The following YAF2 variants were observed in gnomAD, a reference collection of about 807,000 sequenced individuals.
YAF2 encodes YY1 associated factor 2, also known as YY1-associated factor 2.
In YAF2, 7 loss-of-function variants were observed where a neutral mutation model predicts 20.1. The observed-to-expected ratio is 0.35, with a 90% CI of 0.20 to 0.65. The LOEUF (loss-of-function observed/expected upper bound fraction) is 0.65, where lower values mean the gene tolerates loss of function less well. Ranked by LOEUF, YAF2 falls within the 30% of genes least tolerant of loss-of-function variation. The pLI, the probability that YAF2 is intolerant of heterozygous loss-of-function variation, is 0.69. For synonymous variants in YAF2, 74 were observed against 76.0 expected (o/e 0.97, Z 0.14); for missense variants, 151 against 219.2 (o/e 0.69, Z 1.96).
At chr12:42,174,504 A>C (rs1234035697) in intron 2 of YAF2, among the ~76,000 whole-genome samples, 1 of 152,176 alleles carries the variant, frequency 6.6e-6, no homozygotes, top group Non-Finnish European at 1.5e-5. Flanking sequence ...ACTTCAGAGT[A>C]CCTCAGGACT....
chr12:42,165,079 A>AG, intron 2 of YAF2, among the ~76,000 whole-genome samples: 1 of 151,330 alleles, frequency 6.6e-6, no homozygotes, highest in East Asian at 1.9e-4. Context: ...AAAAAAAAAA[A>AG]GAAAAGAAAC....
At chr12:42,205,674 T>A (rs1027599034) in intron 2 of YAF2, among the ~76,000 whole-genome samples, 3 of 152,070 alleles carry the variant, frequency 2.0e-5, no homozygotes, top group Non-Finnish European at 2.9e-5. Context: ...TGCCCGGTCA[T>A]TGCTGATTAT....
At chr12:42,220,993 G>C (rs1243981161) in intron 2 of YAF2, among the ~76,000 whole-genome samples, 1 of 151,980 alleles carries the variant, frequency 6.6e-6, no homozygotes, top group Non-Finnish European at 1.5e-5. Context: ...AATAAAAGTT[G>C]TTATAAAAGA....
At chr12:42,181,056 C>A (rs965019512) in intron 2 of YAF2, among the ~76,000 whole-genome samples, 1 of 152,182 alleles carries the variant, frequency 6.6e-6, no homozygotes, top group Non-Finnish European at 1.5e-5. Flanking sequence ...GCAACTGAAT[C>A]TTTATATATT....
rs1173796702 is a variant in YAF2, at chr12:42,232,354, G to C, written c.152+5245C>G. ...AAAAACAGTGTGAACCTCATAGAAA[G>C]CTTCAACTAAAAAGATCTCAGGGAC... On this transcript the variant is annotated intron_variant, in intron 2 of 3. Transcript: ENST00000534854. 4.7e-6 allele frequency: 4 copies of C among 854,092 alleles called. No individual in the cohort carries two copies. The Admixed American group carries it at 2.5e-4, about 53-fold the overall frequency. 52.9% of individuals were successfully genotyped at this position (854,092 alleles called of 1,614,324 possible).
intron 2 of YAF2, among the ~76,000 whole-genome samples, chr12:42,193,908 G>A (rs1479346064): frequency 6.6e-6 from 1 of 152,148 alleles, no homozygotes; most frequent in African/African-American, 2.4e-5. Context: ...TTATGGACCT[G>A]ACTCTGTATG....
In YAF2 at chr12:42,237,895, G is replaced by A. The variant is rs2068232389; in HGVS notation, c.27-171C>T. ...CTGAGGGGGAAGGGAGTCAGGAAGAGGCAGGGCGCGAGCGCGGCCGCAGTC... is the reference window on the plus strand; with the variant it reads ...CTGAGGGGGAAGGGAGTCAGGAAGAAGCAGGGCGCGAGCGCGGCCGCAGTC... On this transcript the variant is annotated intron_variant, in intron 1 of 3. Transcript: ENST00000534854. 6.7e-6 allele frequency: 4 copies of A among 600,396 alleles called. No individual in the cohort carries two copies. The South Asian group carries it at 2.2e-4, about 33-fold the overall frequency. 37.2% of individuals were successfully genotyped at this position (600,396 alleles called of 1,614,324 possible). A position where few individuals can be genotyped will look rare whatever the true frequency, so the allele number is the denominator to read the frequency against.
intron 2 of YAF2, among the ~76,000 whole-genome samples, chr12:42,192,344 C>T (rs200874701): frequency 3.3e-5 from 5 of 151,608 alleles, no homozygotes; most frequent in East Asian, 3.9e-4. Flanking sequence ...CTCATCTCCA[C>T]ACACACACAC....
intron 2 of YAF2, chr12:42,199,342 T>C (rs1027488565): frequency 1.2e-5 from 6 of 504,074 alleles, no homozygotes; most frequent in East Asian, 1.8e-4. Context: ...TGTTTCAGGA[T>C]TTACTCAATT....
At chr12:42,205,825 A>G in intron 2 of YAF2, 2 of 337,780 alleles carry the variant, frequency 5.9e-6, no homozygotes, top group Non-Finnish European at 1.2e-5. Context: ...TAAAGATTAT[A>G]AATTTATCCC....
At position 42,183,690 on chromosome 12, in the gene YAF2, G is replaced by C. The variant is rs1251675019; in HGVS notation, c.153-21925C>G. Among the ~76,000 whole-genome samples the C allele has an allele frequency of 3.9e-5, 6 of 152,190 alleles. No homozygotes were observed. The South Asian group carries it at 1.2e-3, about 31-fold the overall frequency. On this transcript the variant is annotated intron_variant, in intron 2 of 3. Transcript: ENST00000534854. ...CATGAAAAAATTACAAAGTGAAGCA[G>C]CAAGTGCTTATATAAAAACTGCATC...
intron 2 of YAF2, among the ~76,000 whole-genome samples, chr12:42,188,025 T>A (rs950233403): frequency 5.3e-5 from 8 of 152,186 alleles, no homozygotes; most frequent in Admixed American, 3.9e-4. Flanking sequence ...AGCTGTTATC[T>A]TAGTTGCACC....
Position 42,160,293 on chromosome 12 carries a change from T to C in YAF2, c.*296A>G, listed in dbSNP as rs1452175547. ...TAGTAGAGAATTCAAGAATTATGTG[T>C]TAGAATTCACTAAACTAAAAGTGAA... is the stretch of plus-strand genomic sequence containing the variant. On this transcript the variant is annotated 3_prime_UTR_variant, in exon 4 of 4. Coordinates refer to ENST00000534854, the MANE Select transcript of YAF2 (RefSeq NM_005748.6). The C allele has an allele frequency of 6.9e-6, 2 of 291,464 alleles. No individual in the cohort carries two copies. The highest frequency in any genetic ancestry group is 1.3e-5 in the Non-Finnish European group (2 of 155,642). 18.1% of individuals were successfully genotyped at this position (291,464 alleles called of 1,614,324 possible).
At chr12:42,210,065 T>C (rs2067162728) in intron 2 of YAF2, among the ~76,000 whole-genome samples, 1 of 152,202 alleles carries the variant, frequency 6.6e-6, no homozygotes, top group Admixed American at 6.5e-5. Flanking sequence ...CCAAAAGTAC[T>C]GGGATTACAA....
chr12:42,176,807 CA>C (rs942352637), intron 2 of YAF2, among the ~76,000 whole-genome samples: 1 of 150,702 alleles, frequency 6.6e-6, no homozygotes, highest in Admixed American at 6.6e-5. Context: ...ACTAAAAATA[CA>C]AAAAAAAATG....
rs189023441 is a variant in YAF2, at chr12:42,181,029, G to C, written c.153-19264C>G. Reference sequence around the variant, plus strand: ...CCCATAATGGGAGGATGGCTTCTTTGATACACCTAGCTCTGGGCAACTGAA... The same window carrying C: ...CCCATAATGGGAGGATGGCTTCTTTCATACACCTAGCTCTGGGCAACTGAA... On this transcript the variant is annotated intron_variant, in intron 2 of 3. Coordinates refer to ENST00000534854, the MANE Select transcript of YAF2 (RefSeq NM_005748.6). 3.3e-3 allele frequency among the ~76,000 whole-genome samples: 510 copies of C among 152,294 alleles called. 4 individuals carry two copies. Among genetic ancestry groups the C allele is most frequent in the Middle Eastern group, 0.031 (9 of 294 alleles).
At chr12:42,201,592 TTGC>T (rs1419756778) in intron 2 of YAF2, among the ~76,000 whole-genome samples, 34 of 152,074 alleles carry the variant, frequency 2.2e-4, no homozygotes, top group African/African-American at 4.8e-4. Flanking sequence ...TTTGTTGCTG[TTGC>T]TGTTGTTGTT....
intron 2 of YAF2, chr12:42,233,679 T>C (rs1237886420): frequency 2.6e-6 from 2 of 760,750 alleles, no homozygotes; most frequent in Non-Finnish European, 1.6e-6. Flanking sequence ...ACCCAGCTAA[T>C]TTTTTTAATT....
intron 2 of YAF2, among the ~76,000 whole-genome samples, chr12:42,199,897 A>G (rs558722911): frequency 2.4e-4 from 36 of 152,324 alleles, no homozygotes; most frequent in African/African-American, 7.5e-4. Context: ...TCTTTGGCAC[A>G]TAACAATTCA....
Sources: allele counts gnomAD v4.1 joint callset (sites outside exome capture counted in the v4.1 genomes callset), GRCh38; gene constraint gnomAD v4.1.1; transcripts MANE v1.5; gene names NCBI Gene and HGNC (gene_info 2026-07-23, HGNC 2026-07-21).